Variants in CSMD1 observed in about 807,000 individuals in gnomAD.
CSMD1 encodes CUB and sushi domain-containing protein 1.
Under a neutral mutation model 417.5 loss-of-function variants are expected in CSMD1, and 213 were observed. That is an observed-to-expected ratio of 0.51 (90% CI 0.46 to 0.57). CSMD1 has a LOEUF of 0.57. CSMD1 is among the 20% of genes least tolerant of loss of function. The pLI is 0.00. For missense variants in CSMD1, 6,923 were observed against 4,529.7 expected (o/e 1.53, Z -15.17); for synonymous variants, 2,862 against 1,736.8 (o/e 1.65, Z -16.11).
chr8:4,670,846 C>A (rs766469338), intron 1 of CSMD1, among the ~76,000 whole-genome samples: 1 of 152,094 alleles, frequency 6.6e-6, no homozygotes, highest in Non-Finnish European at 1.5e-5. Context: ...AGCAAAAGAA[C>A]GTGTTTGTGT....
chr8:4,561,494 G>A (rs1288555615), intron 2 of CSMD1, among the ~76,000 whole-genome samples: 2 of 152,228 alleles, frequency 1.3e-5, no homozygotes, highest in East Asian at 1.9e-4. Context: ...ACCACCCTGG[G>A]CAACATGGTG....
At chr8:3,002,847 G>T (rs1426610490) in intron 52 of CSMD1, among the ~76,000 whole-genome samples, 1 of 152,122 alleles carries the variant, frequency 6.6e-6, no homozygotes, top group Admixed American at 6.5e-5. Flanking sequence ...TCTGACACAT[G>T]GTCATTTCGG....
chr8:4,330,760 G>A (rs751251716), intron 3 of CSMD1, among the ~76,000 whole-genome samples: 76 of 151,818 alleles, frequency 5.0e-4, no homozygotes, highest in Non-Finnish European at 9.1e-4. Context: ...TCTTTCCTGC[G>A]GCATCTCCTC....
At position 3,052,627 on chromosome 8, in the gene CSMD1, C is replaced by G. The variant is rs371466626; in HGVS notation, c.7495G>C (p.Glu2499Gln). ...GTAAATGAACCGTTTCCTGGGGATT[C>G]TGGGATTCCACAGGACACAGCTGAA... ...LCQAVSCGIP[E>Q]SPGNGSFTGN... The change falls in exon 50 of 70, where the codon GAA becomes CAA. Residue 2499 changes from glutamate to glutamine, a missense_variant. Physicochemically the swap from Glu to Gln is conservative, Grantham distance 29. Coordinates refer to ENST00000635120, the MANE Select transcript of CSMD1 (RefSeq NM_033225.6). 11 of 1,610,102 alleles carry G rather than the reference C, an allele frequency of 6.8e-6. No homozygotes were observed. Among genetic ancestry groups the G allele is most frequent in the African/African-American group, 2.7e-5 (2 of 74,816 alleles).
At chr8:4,180,249 A>G (rs1020676033) in intron 3 of CSMD1, among the ~76,000 whole-genome samples, 1 of 152,104 alleles carries the variant, frequency 6.6e-6, no homozygotes, top group African/African-American at 2.4e-5. Context: ...ATGCAGCAAT[A>G]AAAAATGATG....
At chr8:3,477,062 G>A (rs1817473288) in intron 11 of CSMD1, among the ~76,000 whole-genome samples, 1 of 151,988 alleles carries the variant, frequency 6.6e-6, no homozygotes, top group African/African-American at 2.4e-5. Flanking sequence ...ATCTATACAT[G>A]TATTTACAGT....
intron 1 of CSMD1, among the ~76,000 whole-genome samples, chr8:4,977,688 C>A (rs576178534): frequency 6.6e-6 from 1 of 152,150 alleles, no homozygotes; most frequent in Non-Finnish European, 1.5e-5. Context: ...GTTAAGTGAG[C>A]GCCTCCTAAG....
At chr8:4,559,497 G>A (rs934896170) in intron 2 of CSMD1, among the ~76,000 whole-genome samples, 1 of 152,174 alleles carries the variant, frequency 6.6e-6, no homozygotes, top group African/African-American at 2.4e-5. Context: ...AATTCCTTTA[G>A]AAAGGTGAGA....
intron 1 of CSMD1, among the ~76,000 whole-genome samples, chr8:4,940,462 T>G (rs1014239856): frequency 6.6e-6 from 1 of 152,234 alleles, no homozygotes; most frequent in African/African-American, 2.4e-5. Flanking sequence ...ATACAAGAGT[T>G]GGGAAGGGCA....
At chr8:4,443,597 A>G (rs921244303) in intron 2 of CSMD1, among the ~76,000 whole-genome samples, 8 of 150,992 alleles carry the variant, frequency 5.3e-5, no homozygotes, top group African/African-American at 1.7e-4. Flanking sequence ...TGCTTAAAAT[A>G]TAAAGAAAAC....
intron 9 of CSMD1, among the ~76,000 whole-genome samples, chr8:3,576,378 A>G (rs1396629741): frequency 6.8e-6 from 1 of 146,350 alleles, no homozygotes; most frequent in East Asian, 2.0e-4. Context: ...TCTCTCCTAA[A>G]TGGTTATGCA....
intron 1 of CSMD1, among the ~76,000 whole-genome samples, chr8:4,986,857 T>G (rs990476737): frequency 6.6e-6 from 1 of 152,228 alleles, no homozygotes; most frequent in Non-Finnish European, 1.5e-5. Flanking sequence ...GTGAGCTAAA[T>G]GGTCTGTGAA....
chr8:4,440,593 A>C (rs1388305498), intron 2 of CSMD1, among the ~76,000 whole-genome samples: 1 of 152,202 alleles, frequency 6.6e-6, no homozygotes, highest in African/African-American at 2.4e-5. Context: ...CAACTTTAGC[A>C]TTTTCTCTGG....
intron 3 of CSMD1, among the ~76,000 whole-genome samples, chr8:4,086,391 A>G (rs1800420822): frequency 6.6e-6 from 1 of 152,204 alleles, no homozygotes; most frequent in South Asian, 2.1e-4. Context: ...AATTCAGTAC[A>G]GGCAGACAGA....
chr8:4,369,674 G>C (rs906739129), intron 3 of CSMD1, among the ~76,000 whole-genome samples: 2 of 152,058 alleles, frequency 1.3e-5, no homozygotes, highest in East Asian at 3.9e-4. Flanking sequence ...GTTGAGTTGA[G>C]CCCTTTATCA....
intron 10 of CSMD1, among the ~76,000 whole-genome samples, chr8:3,529,043 G>C (rs928572425): frequency 3.3e-5 from 5 of 152,078 alleles, no homozygotes; most frequent in African/African-American, 7.2e-5. Context: ...TTCGAACAAG[G>C]CTCACTTTAG....
intron 2 of CSMD1, among the ~76,000 whole-genome samples, chr8:4,424,351 C>T (rs1039047568): frequency 6.6e-6 from 1 of 151,596 alleles, no homozygotes; most frequent in African/African-American, 2.4e-5. Context: ...CAACAAAAGG[C>T]AAACAATCCA....
chr8:4,187,480 C>T (rs559656228), intron 3 of CSMD1, among the ~76,000 whole-genome samples: 7 of 152,126 alleles, frequency 4.6e-5, no homozygotes, highest in African/African-American at 1.7e-4. Flanking sequence ...CCCGTCGCTA[C>T]TAAAAATACA....
intron 5 of CSMD1, among the ~76,000 whole-genome samples, chr8:3,897,573 T>TAA (rs957093932): frequency 7.0e-6 from 1 of 143,460 alleles, no homozygotes; most frequent in Admixed American, 7.0e-5. Flanking sequence ...ACTACCTCAG[T>TAA]AAAAAAAAAA....
Sources: allele counts gnomAD v4.1 joint callset (sites outside exome capture counted in the v4.1 genomes callset), GRCh38; gene constraint gnomAD v4.1.1; transcripts MANE v1.5; gene names NCBI Gene and HGNC (gene_info 2026-07-23, HGNC 2026-07-21).